The following SMAGP variants were observed in gnomAD, a reference collection of about 807,000 sequenced individuals.
SMAGP encodes small cell adhesion glycoprotein.
Under a neutral mutation model 10.1 loss-of-function variants are expected in SMAGP, and 7 were observed. The observed-to-expected ratio is 0.70, with a 90% CI of 0.40 to 1.31. The LOEUF (loss-of-function observed/expected upper bound fraction) is 1.31, where lower values mean the gene tolerates loss of function less well. Ranked by LOEUF, SMAGP falls within the 50% of genes most tolerant of loss-of-function variation. The probability of loss-of-function intolerance (pLI) is 0.01; values close to 1 mark genes in which losing one functional copy is unlikely to be tolerated. For synonymous variants in SMAGP, 49 were observed against 47.2 expected, an observed-to-expected ratio of 1.04 and a Z score of -0.16; for missense variants, 113 against 116.5, an observed-to-expected ratio of 0.97 and a Z score of 0.14.
intron 2 of SMAGP, among the ~76,000 whole-genome samples, chr12:51,260,564 G>A (rs1303230338): frequency 2.7e-5 from 4 of 150,392 alleles, no homozygotes; most frequent in African/African-American, 9.8e-5. Context: ...TTTTTTAGTA[G>A]AGACAGGGTT....
At chr12:51,260,364 TTTTTTG>T (rs1473901588) in intron 2 of SMAGP, among the ~76,000 whole-genome samples, 18 of 150,812 alleles carry the variant, frequency 1.2e-4, no homozygotes, top group Admixed American at 2.6e-4. Context: ...GCTGATTGTT[TTTTTTG>T]TTGTTGTTGT....
At chr12:51,249,667 G>C (rs578231742) in intron 2 of SMAGP, among the ~76,000 whole-genome samples, 1 of 152,008 alleles carries the variant, frequency 6.6e-6, no homozygotes, top group Admixed American at 6.6e-5. Flanking sequence ...GCCCAGGCTG[G>C]AGTGCAGTGG....
chr12:51,257,654 C>T (rs908981664), intron 2 of SMAGP, among the ~76,000 whole-genome samples: 1 of 152,070 alleles, frequency 6.6e-6, no homozygotes, highest in African/African-American at 2.4e-5. Context: ...TAATGATTCT[C>T]TTGCCTTAGT....
chr12:51,262,840 T>G (rs1944941963), intron 2 of SMAGP, among the ~76,000 whole-genome samples: 1 of 152,202 alleles, frequency 6.6e-6, no homozygotes, highest in South Asian at 2.1e-4. Flanking sequence ...GCCACCTAAG[T>G]CTGCCAGCCT....
chr12:51,262,050 C>T (rs748432876), intron 2 of SMAGP, among the ~76,000 whole-genome samples: 2 of 150,346 alleles, frequency 1.3e-5, no homozygotes, highest in African/African-American at 2.5e-5. Context: ...CCAGCCTGGG[C>T]AACATAGCGA....
chr12:51,259,406 G>A (rs780646413), intron 2 of SMAGP, among the ~76,000 whole-genome samples: 3 of 151,972 alleles, frequency 2.0e-5, no homozygotes, highest in Non-Finnish European at 2.9e-5. Context: ...GAGCCACTGC[G>A]CCCAGCCCTG....
At chr12:51,257,590 G>A (rs1396917231) in intron 2 of SMAGP, among the ~76,000 whole-genome samples, 1 of 151,962 alleles carries the variant, frequency 6.6e-6, no homozygotes, top group Admixed American at 6.6e-5. Flanking sequence ...TGTCACCCAG[G>A]CTGGAGTGCA....
chr12:51,245,909 C>G lies in SMAGP; in HGVS notation c.*32G>C. ...AGCAGTCAACGTGTTAGCGATGGAG[C>G]CAGGAATAAGCTCCTTGGGGCCTGG... On this transcript the variant is annotated 3_prime_UTR_variant, in exon 4 of 4. Coordinates refer to ENST00000603798, the MANE Select transcript of SMAGP (RefSeq NM_001031628.2). 1 of 1,594,910 alleles carries G rather than the reference C, an allele frequency of 6.3e-7. No homozygotes were observed. The highest frequency in any genetic ancestry group is 8.6e-7 in the Non-Finnish European group (1 of 1,168,032).
chr12:51,267,029 T>C (rs1944980330), intron 2 of SMAGP, among the ~76,000 whole-genome samples: 1 of 152,112 alleles, frequency 6.6e-6, no homozygotes, highest in African/African-American at 2.4e-5. Flanking sequence ...GGTGGGAGAA[T>C]TGCTTGAACC....
chr12:51,249,686 C>T (rs910431502), intron 2 of SMAGP, among the ~76,000 whole-genome samples: 1 of 151,876 alleles, frequency 6.6e-6, no homozygotes, highest in East Asian at 1.9e-4. Flanking sequence ...GGCGCAATCT[C>T]GGCTCACTGC....
At chr12:51,248,900 C>CAAAA (rs545881552) in intron 2 of SMAGP, among the ~76,000 whole-genome samples, 4 of 95,620 alleles carry the variant, frequency 4.2e-5, no homozygotes, top group African/African-American at 1.4e-4. Context: ...AAAAATACCA[C>CAAAA]AAAAAAAAAA....
At chr12:51,263,477 G>A (rs1944946821) in intron 2 of SMAGP, among the ~76,000 whole-genome samples, 1 of 152,110 alleles carries the variant, frequency 6.6e-6, no homozygotes, top group Admixed American at 6.6e-5. Context: ...ATTGGGTTGT[G>A]GTGAGGAATA....
chr12:51,252,388 C>A (rs113437261), intron 2 of SMAGP, among the ~76,000 whole-genome samples: 1 of 150,178 alleles, frequency 6.7e-6, no homozygotes, highest in East Asian at 2.0e-4. Context: ...GCCACTGTGC[C>A]CGGCCTATTA....
intron 2 of SMAGP, among the ~76,000 whole-genome samples, chr12:51,262,362 C>G (rs1352728517): frequency 6.6e-6 from 1 of 152,070 alleles, no homozygotes; most frequent in Non-Finnish European, 1.5e-5. Flanking sequence ...CACCTGTGAT[C>G]CCAGCTACTT....
chr12:51,261,122 G>A (rs1944928796), intron 2 of SMAGP, among the ~76,000 whole-genome samples: 1 of 136,510 alleles, frequency 7.3e-6, no homozygotes, highest in South Asian at 2.3e-4. Flanking sequence ...CTGAGACGGA[G>A]TCTCACTCTG....
chr12:51,259,489 C>T (rs1260488454), intron 2 of SMAGP, among the ~76,000 whole-genome samples: 3 of 152,158 alleles, frequency 2.0e-5, no homozygotes, highest in African/African-American at 7.2e-5. Flanking sequence ...TTTCAAATGA[C>T]TGAAGAAATG....
At chr12:51,249,464 G>C (rs1368565246) in intron 2 of SMAGP, among the ~76,000 whole-genome samples, 1 of 152,100 alleles carries the variant, frequency 6.6e-6, no homozygotes. Context: ...TGTCAGAATT[G>C]AATTGGAAGA....
chr12:51,255,604 T>C (rs759785054), intron 2 of SMAGP, among the ~76,000 whole-genome samples: 30 of 152,276 alleles, frequency 2.0e-4, no homozygotes, highest in Non-Finnish European at 2.9e-4. Context: ...GCCCTTCTAG[T>C]CTAGCAGACC....
intron 1 of SMAGP, 189 bp from the exon 2 acceptor site, chr12:51,269,505 C>G: frequency 1.8e-6 from 1 of 567,356 alleles, no homozygotes; most frequent in Non-Finnish European, 3.2e-6. Flanking sequence ...AGGAGCAGGT[C>G]TGAGGCCGCA....
Sources: allele counts gnomAD v4.1 joint callset (sites outside exome capture counted in the v4.1 genomes callset), GRCh38; gene constraint gnomAD v4.1.1; transcripts MANE v1.5; gene names NCBI Gene and HGNC (gene_info 2026-07-23, HGNC 2026-07-21).